The following DYNC2I1 variants were observed in gnomAD, a reference collection of about 807,000 sequenced individuals.
The protein encoded by DYNC2I1 is cytoplasmic dynein 2 intermediate chain 1.
A neutral mutation model predicts 133.4 loss-of-function variants in DYNC2I1; 89 were observed. The ratio of observed to expected loss-of-function variants is 0.67; its 90% CI spans 0.56 to 0.80. The LOEUF is 0.80. DYNC2I1 is among the 30% of genes least tolerant of loss of function. The pLI is 0.00. For synonymous variants in DYNC2I1, 504 were observed against 484.3 expected, an observed-to-expected ratio of 1.04 and a Z score of -0.54; for missense variants, 1,291 against 1,314.5, an observed-to-expected ratio of 0.98 and a Z score of 0.28.
At chr7:158,855,623 G>A (rs1302457630), upstream of DYNC2I1, among the ~76,000 whole-genome samples, 1 of 152,206 alleles carries the variant, frequency 6.6e-6, no homozygotes, top group Non-Finnish European at 1.5e-5. Context: ...TTCTCCCAAA[G>A]TTAGTTCAGC....
intron 11 of DYNC2I1, among the ~76,000 whole-genome samples, chr7:158,910,809 G>A (rs73732417): frequency 9.5e-4 from 138 of 144,924 alleles, no homozygotes; most frequent in African/African-American, 3.4e-3. Flanking sequence ...GCGATTGGCT[G>A]TGTCAGCCTG....
chr7:158,853,576 G>T (rs1841101584), upstream of DYNC2I1, among the ~76,000 whole-genome samples: 1 of 151,964 alleles, frequency 6.6e-6, no homozygotes, highest in African/African-American at 2.4e-5. Flanking sequence ...TGCTCAGACA[G>T]AGATGATTTA....
chr7:158,926,969 C>A (rs1254636219), intron 19 of DYNC2I1, 23 bp from the exon 20 acceptor site: 5 of 1,557,690 alleles, frequency 3.2e-6, no homozygotes, highest in Non-Finnish European at 4.4e-6. Context: ...TATCAATATT[C>A]ATTTTCAATA....
At position 158,934,190 on chromosome 7, in the gene DYNC2I1, C is replaced by T. The variant is rs919312756; in HGVS notation, c.2608C>T (p.Pro870Ser). 6.2e-7 allele frequency: 1 copy of T among 1,612,544 alleles called. No homozygotes were observed. Among genetic ancestry groups the T allele is most frequent in the Non-Finnish European group, 8.5e-7 (1 of 1,179,584 alleles). Reference protein sequence around the residue: ...TTQTLNVKFLPSDPNHFIIGT... With the variant: ...TTQTLNVKFLSSDPNHFIIGT... ...ACAAACACTGAATGTTAAATTTCTGCCTTCAGATCCTAATCACTTTATTAT... is the reference window on the plus strand; with the variant it reads ...ACAAACACTGAATGTTAAATTTCTGTCTTCAGATCCTAATCACTTTATTAT... Residue 870 changes from proline (P) to serine (S), a missense_variant, in exon 22 of 25, where the codon CCT (proline) becomes TCT (serine). Transcript: ENST00000407559.
At chr7:158,906,416 G>A (rs376934369) in intron 11 of DYNC2I1, among the ~76,000 whole-genome samples, 127 of 152,118 alleles carry the variant, frequency 8.3e-4, no homozygotes, top group African/African-American at 3.0e-3. Flanking sequence ...ATTATACTAA[G>A]CCCAAATATG....
At chr7:158,929,212 G>A (rs1563190640) in intron 20 of DYNC2I1, among the ~76,000 whole-genome samples, 1 of 152,216 alleles carries the variant, frequency 6.6e-6, no homozygotes, top group Non-Finnish European at 1.5e-5. Flanking sequence ...GTAGGCATTG[G>A]ATGAGTTGCT....
intron 1 of DYNC2I1, among the ~76,000 whole-genome samples, chr7:158,864,717 G>C: frequency 6.6e-6 from 1 of 151,936 alleles, no homozygotes; most frequent in Middle Eastern, 3.2e-3. Flanking sequence ...TGTTGCCCTG[G>C]CTGGTCTTGA....
chr7:158,886,554 T>C (rs1314553468), intron 6 of DYNC2I1, among the ~76,000 whole-genome samples: 2 of 152,246 alleles, frequency 1.3e-5, no homozygotes, highest in Non-Finnish European at 2.9e-5. Context: ...AGGAAGACTT[T>C]AACATTTATT....
At chr7:158,919,870 G>A (rs908993430) in intron 15 of DYNC2I1, among the ~76,000 whole-genome samples, 2 of 147,886 alleles carry the variant, frequency 1.4e-5, no homozygotes, top group East Asian at 2.3e-4. Context: ...GAAGGGAACC[G>A]AGTGTGCGCC....
At position 158,926,209 on chromosome 7, in the gene DYNC2I1, C is replaced by T; in HGVS notation, c.2280C>T (p.Asn760=). The T allele has an allele frequency of 6.2e-7, 1 of 1,613,368 alleles. No individual in the cohort carries two copies. Among genetic ancestry groups the T allele is most frequent in the East Asian group, 2.2e-5 (1 of 44,870 alleles). ...FSTDGILTSV[N]HRSPLQAVEP... is the part of the protein sequence containing the mutation. ...CAGATGGAATCCTTACCTCAGTAAA[C>T]CACCGAAGCCCTCTTCAAGCAGTAG... is the stretch of plus-strand genomic sequence containing the variant. Residue 760 remains asparagine, a synonymous_variant, in exon 18 of 25, where the codon AAC becomes AAT. Transcript: ENST00000407559.
chr7:158,850,376 A>G, the DYNC2I1 span, among the ~76,000 whole-genome samples: 5 of 152,194 alleles, frequency 3.3e-5, no homozygotes, highest in African/African-American at 1.2e-4. Flanking sequence ...AGGCAAAAGC[A>G]CAGGGAGGCA....
chr7:158,891,985 T>C (rs777912678), intron 8 of DYNC2I1, among the ~76,000 whole-genome samples: 44 of 152,146 alleles, frequency 2.9e-4, no homozygotes, highest in Non-Finnish European at 5.6e-4. Context: ...TGGAGAGCAC[T>C]TGGGGCTCTC....
At chr7:158,894,817 G>A (rs1845615124) in intron 8 of DYNC2I1, among the ~76,000 whole-genome samples, 1 of 152,192 alleles carries the variant, frequency 6.6e-6, no homozygotes, top group Non-Finnish European at 1.5e-5. Context: ...AGCAATGAAT[G>A]TGAGTTCCTG....
the DYNC2I1 span, among the ~76,000 whole-genome samples, chr7:158,841,846 CATTTTAGA>C: frequency 6.6e-6 from 1 of 152,196 alleles, no homozygotes; most frequent in Admixed American, 6.5e-5. Context: ...GTGAGGTTCA[CATTTTAGA>C]TGGTTCTGTC....
the DYNC2I1 span, among the ~76,000 whole-genome samples, chr7:158,841,197 A>ATG: frequency 1.4e-4 from 6 of 42,086 alleles, 1 homozygote; most frequent in African/African-American, 6.9e-4. Flanking sequence ...ATATATATAT[A>ATG]TATATATATA....
chr7:158,914,058 G>A (rs1409809530), intron 13 of DYNC2I1, among the ~76,000 whole-genome samples, 175 bp from the exon 14 acceptor site: 1 of 152,198 alleles, frequency 6.6e-6, no homozygotes, highest in Admixed American at 6.5e-5. Context: ...ACAATATGCA[G>A]TTGTTTTGGG....
chr7:158,935,624 G>T (rs1850675369), intron 23 of DYNC2I1, among the ~76,000 whole-genome samples: 1 of 152,184 alleles, frequency 6.6e-6, no homozygotes, highest in Non-Finnish European at 1.5e-5. Flanking sequence ...ATGTATCTTT[G>T]TATTTCCAAA....
At chr7:158,957,216 G>A (rs945660339), downstream of DYNC2I1, among the ~76,000 whole-genome samples, 15 of 152,154 alleles carry the variant, frequency 9.9e-5, no homozygotes, top group African/African-American at 3.6e-4. Flanking sequence ...TTTTCCTCAA[G>A]TCATCCAGAC....
chr7:158,877,487 G>A (rs1299471148), intron 4 of DYNC2I1, among the ~76,000 whole-genome samples: 1 of 152,202 alleles, frequency 6.6e-6, no homozygotes, highest in East Asian at 1.9e-4. Flanking sequence ...CAAAGTAAAT[G>A]TAAACTTAAC....
Sources: allele counts gnomAD v4.1 joint callset (sites outside exome capture counted in the v4.1 genomes callset), GRCh38; gene constraint gnomAD v4.1.1; transcripts MANE v1.5; gene names NCBI Gene and HGNC (gene_info 2026-07-23, HGNC 2026-07-21).